ATXN10: variants seen among roughly 807,000 people sequenced by gnomAD.
ATXN10 encodes the protein ataxin-10.
Under a neutral mutation model 52.9 loss-of-function variants are expected in ATXN10, and 28 were observed. That is an observed-to-expected ratio of 0.53 (90% CI 0.39 to 0.73). ATXN10 has a LOEUF of 0.73. Among genes scored for constraint, ATXN10 ranks in the 30% least tolerant of loss-of-function variants. The pLI is 0.00. For missense variants in ATXN10, 565 were observed against 577.0 expected (o/e 0.98, Z 0.21); for synonymous variants, 226 against 221.5 (o/e 1.02, Z -0.18).
chr22:45,830,209 A>G (rs1399804957), intron 10 of ATXN10, among the ~76,000 whole-genome samples: 1 of 152,246 alleles, frequency 6.6e-6, no homozygotes, highest in Admixed American at 6.5e-5. Flanking sequence ...GTCATATACA[A>G]AAATTAACTC....
intron 10 of ATXN10, among the ~76,000 whole-genome samples, chr22:45,830,122 C>T (rs991652818): frequency 2.0e-5 from 3 of 152,258 alleles, no homozygotes; most frequent in East Asian, 1.9e-4. Flanking sequence ...GTGGAGAAAG[C>T]GCAGTCTTTT....
rs1488535968 is a variant in ATXN10, at chr22:45,826,531, G to A, written c.1238-16460G>A. On this transcript the variant is annotated intron_variant, in intron 10 of 11. Coordinates refer to ENST00000252934, the MANE Select transcript of ATXN10 (RefSeq NM_013236.4). The surrounding 1 kb of genome is among the most constrained non-coding windows in gnomAD (Gnocchi z 5.0). Reference sequence around the variant, plus strand: ...GACAGAGATAAAGAGAATCTTAAAAGCAGCAAGGAAGAAGCAGCCCATCAC... The same window carrying A: ...GACAGAGATAAAGAGAATCTTAAAAACAGCAAGGAAGAAGCAGCCCATCAC... Among the ~76,000 whole-genome samples, 1 of 152,204 alleles carries A rather than the reference G, an allele frequency of 6.6e-6. No homozygotes were observed. The highest frequency in any genetic ancestry group is 1.5e-5 in the Non-Finnish European group (1 of 68,044).
At chr22:45,794,254 TAGCCTGGC>T (rs1927628051) in intron 9 of ATXN10, among the ~76,000 whole-genome samples, 1 of 152,216 alleles carries the variant, frequency 6.6e-6, no homozygotes, top group South Asian at 2.1e-4. Context: ...ACATGGGCAG[TAGCCTGGC>T]TGGGCACTTT....
chr22:45,720,113 A>G (rs1383570693), intron 6 of ATXN10, among the ~76,000 whole-genome samples: 1 of 152,182 alleles, frequency 6.6e-6, no homozygotes, highest in Admixed American at 6.5e-5. Context: ...CCTCAAGGTT[A>G]TACTCAGCTT....
intron 9 of ATXN10, among the ~76,000 whole-genome samples, chr22:45,765,078 G>T (rs865914870): frequency 6.6e-6 from 1 of 152,134 alleles, no homozygotes; most frequent in Non-Finnish European, 1.5e-5. Context: ...GGTGAAGCAC[G>T]TTTGAAGAAA....
Position 45,772,769 on chromosome 22 carries a change from C to CT in ATXN10, c.1173+32234dup. ...TTTCAGCATGTAGATCCTGTGTATG[C>CT]TTTGTTAGATTTATTTTTAGCACAG... is the stretch of plus-strand genomic sequence containing the variant. On this transcript the variant is annotated intron_variant, in intron 9 of 11. Transcript: ENST00000252934. The surrounding 1 kb of genome is among the most constrained non-coding windows in gnomAD (Gnocchi z 4.1). Among the ~76,000 whole-genome samples, 2 of 152,206 alleles carry CT rather than the reference C, an allele frequency of 1.3e-5. No individual in the cohort carries two copies. Among genetic ancestry groups the CT allele is most frequent in the East Asian group, 3.9e-4 (2 of 5,186 alleles).
intron 5 of ATXN10, among the ~76,000 whole-genome samples, chr22:45,710,885 G>A (rs1469115592): frequency 6.6e-6 from 1 of 152,094 alleles, no homozygotes; most frequent in Non-Finnish European, 1.5e-5. Context: ...GTGATTGGTG[G>A]CATCGTTGTC....
At chr22:45,765,247 C>T (rs1465339226) in intron 9 of ATXN10, among the ~76,000 whole-genome samples, 1 of 151,978 alleles carries the variant, frequency 6.6e-6, no homozygotes. Context: ...TGATAAAGAT[C>T]AGGAGGTTGC....
chr22:45,765,229 T>C (rs1926540585), intron 9 of ATXN10, among the ~76,000 whole-genome samples: 1 of 151,862 alleles, frequency 6.6e-6, no homozygotes, highest in African/African-American at 2.4e-5. Context: ...TTTGACTTAG[T>C]GTGGGGATGA....
rs755194507 is a variant in ATXN10 at position 45,843,795 on chromosome 22, T to G, written c.*124T>G. ...ACAAATTTGGGAACATACAAATCTTTTAGGTAGTAGAGTTTAACGTGTATA... is the reference window on the plus strand; with the variant it reads ...ACAAATTTGGGAACATACAAATCTTGTAGGTAGTAGAGTTTAACGTGTATA... On this transcript the variant is annotated 3_prime_UTR_variant, in exon 12 of 12. Transcript: ENST00000252934. This position sits in a 1 kb window ranked among gnomAD's most constrained non-coding sequence, Gnocchi z 4.5. 193 of 934,038 alleles carry G rather than the reference T, an allele frequency of 2.1e-4. No homozygotes were observed. The highest frequency in any genetic ancestry group is 3.0e-4 in the Non-Finnish European group (180 of 591,146). 57.9% of individuals were successfully genotyped at this position (934,038 alleles called of 1,614,324 possible). A position where few individuals can be genotyped will look rare whatever the true frequency, so the allele number is the denominator to read the frequency against.
intron 9 of ATXN10, among the ~76,000 whole-genome samples, chr22:45,799,627 G>A (rs2146877112): frequency 6.6e-6 from 1 of 152,284 alleles, no homozygotes. Flanking sequence ...ATAGTCCTCA[G>A]AAAGAACCAC....
At chr22:45,692,619 C>T (rs566004456) in intron 2 of ATXN10, among the ~76,000 whole-genome samples, 2 of 152,210 alleles carry the variant, frequency 1.3e-5, no homozygotes, top group African/African-American at 4.8e-5. Flanking sequence ...TACTTTAAGT[C>T]GTTAAAGAGT....
At chr22:45,746,785 G>A (rs138177) in intron 9 of ATXN10, among the ~76,000 whole-genome samples, 113,833 of 152,028 alleles carry the variant, frequency 0.75, 43,607 homozygotes, top group African/African-American at 0.91. Flanking sequence ...TCTGCCCTCT[G>A]CTCACCCCCT....
chr22:45,793,409 C>A, intron 9 of ATXN10: 1 of 381,116 alleles, frequency 2.6e-6, no homozygotes, highest in Non-Finnish European at 4.2e-6. Flanking sequence ...CTGACGGAAA[C>A]ATCTACTGCA....
At chr22:45,809,185 A>G (rs1287573482) in intron 10 of ATXN10, among the ~76,000 whole-genome samples, 1 of 152,250 alleles carries the variant, frequency 6.6e-6, no homozygotes, top group African/African-American at 2.4e-5. Context: ...GTAAATAAGG[A>G]CATGATACAA....
intron 5 of ATXN10, among the ~76,000 whole-genome samples, chr22:45,704,784 T>A (rs1019759178): frequency 2.0e-5 from 3 of 152,206 alleles, no homozygotes; most frequent in African/African-American, 4.8e-5. Flanking sequence ...CTTGCCTAGT[T>A]GCCCTGACTG....
At chr22:45,806,895 A>G (rs147835711) in intron 9 of ATXN10, 64 bp from the exon 10 acceptor site, 4 of 1,243,696 alleles carry the variant, frequency 3.2e-6, no homozygotes, top group African/African-American at 3.0e-5. Context: ...GGAACAAGTC[A>G]TCTGTAATCT....
At position 45,709,479 on chromosome 22, in the gene ATXN10, CTGTCTCATCTT is replaced by C. The variant is rs370625578; in HGVS notation, c.647+6641_647+6651del. ...CAGGGCTGAAAGATGTCATCAGTAT[CTGTCTCATCTT>C]TGTCTCATTTTTCTCCTGTGCTGGC... On this transcript the variant is annotated intron_variant, in intron 5 of 11. Transcript: ENST00000252934. 7.4e-3 allele frequency among the ~76,000 whole-genome samples: 1,128 copies of C among 152,238 alleles called. 16 individuals are homozygous for C. The highest frequency in any genetic ancestry group is 0.026 in the African/African-American group (1,065 of 41,536).
Position 45,683,612 on chromosome 22 carries a change from T to C in ATXN10, c.117-6100T>C, listed in dbSNP as rs1247442946. Among the ~76,000 whole-genome samples the C allele has an allele frequency of 1.3e-5, 2 of 152,228 alleles. No individual in the cohort carries two copies. Among genetic ancestry groups the C allele is most frequent in the Admixed American group, 1.3e-4 (2 of 15,286 alleles). On this transcript the variant is annotated intron_variant, in intron 1 of 11. Transcript: ENST00000252934. This position sits in a 1 kb window ranked among gnomAD's most constrained non-coding sequence, Gnocchi z 4.8. ...AAAATAAGGTTTAAATAATATCTTA[T>C]GTACAAAATCTTTCTCTAAGCATGT...
Sources: gnomAD v4.1 joint callset for allele counts (sites outside exome capture counted in the v4.1 genomes callset) on GRCh38, gnomAD v4.1.1 for gene constraint, Gnocchi (gnomAD v3.1) non-coding constraint, MANE v1.5 for transcripts, NCBI Gene and HGNC (gene_info 2026-07-23, HGNC 2026-07-21) for gene names.